Variants in RICTOR observed in about 807,000 individuals in gnomAD.
RICTOR encodes the protein RPTOR independent companion of MTOR complex 2.
RICTOR carries 49 observed loss-of-function variants against 214.9 expected under a neutral mutation model. The observed-to-expected ratio is 0.23, with a 90% CI of 0.18 to 0.29. The LOEUF (loss-of-function observed/expected upper bound fraction) is 0.29. Ranked by LOEUF, RICTOR falls within the 10% of genes least tolerant of loss-of-function variation. The pLI, the probability that RICTOR is intolerant of heterozygous loss-of-function variation, is 1.00. For synonymous variants in RICTOR, 717 were observed against 711.3 expected, an observed-to-expected ratio of 1.01 and a Z score of -0.13; for missense variants, 1,625 against 2,047.0, an observed-to-expected ratio of 0.79 and a Z score of 3.98.
chr5:39,037,935 T>A (rs1031730478), intron 2 of RICTOR, among the ~76,000 whole-genome samples: 4 of 152,070 alleles, frequency 2.6e-5, no homozygotes, highest in Admixed American at 2.6e-4. Flanking sequence ...TTCCAATCAA[T>A]AGAAAAAGAG....
chr5:38,957,759 C>A, intron 24 of RICTOR, 29 bp from the exon 25 acceptor site: 1 of 1,271,134 alleles, frequency 7.9e-7, no homozygotes. Flanking sequence ...AATAGTTTAA[C>A]ATTGAGTCTG....
chr5:39,038,963 CTACTT>C (rs1258671451), intron 2 of RICTOR, among the ~76,000 whole-genome samples: 1 of 151,542 alleles, frequency 6.6e-6, no homozygotes, highest in East Asian at 1.9e-4. Context: ...TTGGAAAAAA[CTACTT>C]TAAAGTTCAT....
rs1747326196 is a variant in RICTOR, at chr5:38,939,687, T to C, written c.*2617A>G. The C allele has an allele frequency of 4.3e-6, 1 of 230,690 alleles. No homozygotes were observed. The highest frequency in any genetic ancestry group is 8.6e-6 in the Non-Finnish European group (1 of 116,620). The allele number at this position is 230,690 out of a possible 1,614,324, so 14.3% of individuals were successfully genotyped here. A position where few individuals can be genotyped will look rare whatever the true frequency, so the allele number is the denominator to read the frequency against. ...CAACTGCCCAGATTCCTCCCAATTA[T>C]TCAATAATTACCAATAGTACAAATT... On this transcript the variant is annotated 3_prime_UTR_variant, in exon 38 of 38. Transcript: ENST00000357387.
chr5:38,959,346 T>A, intron 21 of RICTOR, 25 bp from the exon 22 acceptor site: 1 of 1,340,524 alleles, frequency 7.5e-7, no homozygotes, highest in Non-Finnish European at 1.0e-6. Context: ...AAAATAAGAA[T>A]GGTTAAAAGA....
intron 2 of RICTOR, among the ~76,000 whole-genome samples, chr5:39,072,123 C>T (rs1759368554): frequency 6.6e-6 from 1 of 152,148 alleles, no homozygotes; most frequent in Non-Finnish European, 1.5e-5. Flanking sequence ...CAATCCCTCA[C>T]TCTTTATTTT....
At chr5:38,998,480 C>A (rs1403988541) in intron 5 of RICTOR, among the ~76,000 whole-genome samples, 1 of 152,152 alleles carries the variant, frequency 6.6e-6, no homozygotes, top group East Asian at 1.9e-4. Context: ...AGCCACCAAG[C>A]CCAGCCCCAA....
chr5:39,053,184 G>A (rs1332829600), intron 2 of RICTOR, among the ~76,000 whole-genome samples: 1 of 152,066 alleles, frequency 6.6e-6, no homozygotes, highest in East Asian at 1.9e-4. Context: ...AACTTTCTCT[G>A]GAAAATGCTA....
chr5:38,950,022 G>GGT lies in RICTOR; in HGVS notation c.3824_3825dup (p.His1276ThrfsTer40). 6.2e-7 allele frequency: 1 copy of GGT among 1,613,456 alleles called. No homozygotes were observed. Among genetic ancestry groups the GGT allele is most frequent in the Non-Finnish European group, 8.5e-7 (1 of 1,179,576 alleles). ...GAATTTGATTTGGAGAGAGACAGAT[G>GGT]GTTAGACTGTGGCGTCAAATAGTGG... On this transcript the variant is annotated frameshift_variant, in exon 31 of 38. Coordinates refer to ENST00000357387, the MANE Select transcript of RICTOR (RefSeq NM_152756.5). LOFTEE classifies it high-confidence loss of function.
At chr5:39,063,923 C>T (rs1758724486) in intron 2 of RICTOR, among the ~76,000 whole-genome samples, 1 of 151,792 alleles carries the variant, frequency 6.6e-6, no homozygotes. Context: ...GTATTTCTTA[C>T]TGACATCTTT....
chr5:39,064,360 T>C (rs1758757294), intron 2 of RICTOR, among the ~76,000 whole-genome samples: 1 of 152,196 alleles, frequency 6.6e-6, no homozygotes, highest in Non-Finnish European at 1.5e-5. Flanking sequence ...AGTATTTGCT[T>C]AGGAAACAAA....
rs1748024996 is a variant in RICTOR, at chr5:38,945,056, A to G, written c.4646T>C (p.Ile1549Thr). The change falls in exon 35 of 38, where the codon ATT becomes ACT. Residue 1549 changes from isoleucine to threonine, a missense_variant. Around this residue, in one of 5 missense-constraint regions of RICTOR, gnomAD observed 1,214 missense variants for 1,470.5 expected, o/e 0.83. Transcript: ENST00000357387. The part of the protein sequence containing the change: ...AICSHSDFQD[I>T]PYSDWCEQTI... ...CTGCTCACACCAATCAGAATATGGAATATCTTGAAAGTCTGAAGAAAAAAA... is the reference window on the plus strand; with the variant it reads ...CTGCTCACACCAATCAGAATATGGAGTATCTTGAAAGTCTGAAGAAAAAAA... The G allele has an allele frequency of 1.2e-6, 2 of 1,601,146 alleles. No individual in the cohort carries two copies. The highest frequency in any genetic ancestry group is 2.2e-5 in the East Asian group (1 of 44,772).
intron 7 of RICTOR, among the ~76,000 whole-genome samples, chr5:38,983,105 G>C (rs997166304): frequency 2.6e-5 from 4 of 152,062 alleles, no homozygotes; most frequent in African/African-American, 7.2e-5. Context: ...ACTTTCCAAT[G>C]AGTCCTCCTC....
intron 27 of RICTOR, 56 bp downstream of exon 27, chr5:38,954,718 A>AT (rs1749088841): frequency 9.3e-6 from 10 of 1,074,312 alleles, no homozygotes; most frequent in African/African-American, 3.2e-5. Context: ...CAATGTTAAG[A>AT]TTTTGTTTTT....
At chr5:38,956,085 A>G (rs1749236491) in intron 25 of RICTOR, among the ~76,000 whole-genome samples, 1 of 152,028 alleles carries the variant, frequency 6.6e-6, no homozygotes. Flanking sequence ...TGGACCTCTT[A>G]TTTACTGTAT....
At position 38,962,951 on chromosome 5, in the gene RICTOR, A is replaced by G; in HGVS notation, c.1491T>C (p.Ile497=). 6.2e-7 allele frequency: 1 copy of G among 1,612,612 alleles called. No individual in the cohort carries two copies. Among genetic ancestry groups the G allele is most frequent in the Non-Finnish European group, 8.5e-7 (1 of 1,178,812 alleles). ...PKPYSLHLDH[I]IQKAIATHQK... is the part of the protein sequence containing the mutation. Reference sequence around the variant, plus strand: ...GGTGTGTTGCAATTGCTTTCTGAATAATGTGGTCTAAATGAAGACTATAAG... The same window carrying G: ...GGTGTGTTGCAATTGCTTTCTGAATGATGTGGTCTAAATGAAGACTATAAG... Residue 497 remains isoleucine (I), a synonymous_variant, in exon 17 of 38, where the codon ATT becomes ATC. Coordinates refer to ENST00000357387, the MANE Select transcript of RICTOR (RefSeq NM_152756.5).
chr5:39,055,422 C>G (rs977619100), intron 2 of RICTOR, among the ~76,000 whole-genome samples: 3 of 122,956 alleles, frequency 2.4e-5, no homozygotes, highest in Non-Finnish European at 3.4e-5. Context: ...ACAATTCCCC[C>G]CCCCCACTCT....
intron 5 of RICTOR, 110 bp downstream of exon 5, chr5:39,002,425 C>A (rs1197139153): frequency 6.3e-6 from 4 of 632,306 alleles, no homozygotes; most frequent in Non-Finnish European, 1.1e-5. Flanking sequence ...TACACACACA[C>A]AAAATTCATC....
intron 6 of RICTOR, among the ~76,000 whole-genome samples, chr5:38,993,380 T>C (rs1186738056): frequency 1.3e-5 from 2 of 151,500 alleles, no homozygotes; most frequent in African/African-American, 2.4e-5. Flanking sequence ...AAGAAAAGAA[T>C]AGTAGTAACT....
At chr5:38,995,014 G>A (rs887280940) in intron 6 of RICTOR, among the ~76,000 whole-genome samples, 4 of 152,188 alleles carry the variant, frequency 2.6e-5, no homozygotes, top group African/African-American at 4.8e-5. Flanking sequence ...GGGCTCCACC[G>A]CATGTGTTAT....
Sources: allele counts gnomAD v4.1 joint callset (sites outside exome capture counted in the v4.1 genomes callset), GRCh38; gene constraint gnomAD v4.1.1; regional missense constraint gnomAD v4.1.1; transcripts MANE v1.5; gene names NCBI Gene and HGNC (gene_info 2026-07-23, HGNC 2026-07-21).